TSC22D2: variants seen among roughly 807,000 people sequenced by gnomAD.
TSC22D2 encodes the protein TSC22 domain family member 2.
A neutral mutation model predicts 50.1 loss-of-function variants in TSC22D2; 5 were observed. The observed-to-expected ratio is 0.10, with a 90% CI of 0.05 to 0.21. The LOEUF is 0.21. Among genes scored for constraint, TSC22D2 ranks in the 10% least tolerant of loss-of-function variants. The pLI is 1.00. For synonymous variants in TSC22D2, 501 were observed against 450.1 expected (o/e 1.11, Z -1.43); for missense variants, 1,003 against 1,015.5 (o/e 0.99, Z 0.17).
At position 150,410,232 on chromosome 3, in the gene TSC22D2, G is replaced by A; in HGVS notation, c.882G>A (p.Pro294=). The change falls in exon 1 of 3, where the codon CCG becomes CCA. Residue 294 remains proline, a synonymous_variant. Coordinates refer to ENST00000688009, the MANE Select transcript of TSC22D2 (RefSeq NM_001303264.2). The part of the protein sequence containing the change: ...AVAQSSAPLP[P]FPGAATGPQP... ...CTCAAAGCTCGGCTCCGCTGCCGCCGTTCCCGGGAGCCGCGACCGGGCCGC... is the reference window on the plus strand; with the variant it reads ...CTCAAAGCTCGGCTCCGCTGCCGCCATTCCCGGGAGCCGCGACCGGGCCGC... The A allele has an allele frequency of 6.4e-7, 1 of 1,570,076 alleles. No individual in the cohort carries two copies. Among genetic ancestry groups the A allele is most frequent in the East Asian group, 2.3e-5 (1 of 42,638 alleles).
chr3:150,444,845 G>A (rs1720827813), intron 1 of TSC22D2, among the ~76,000 whole-genome samples: 1 of 152,090 alleles, frequency 6.6e-6, no homozygotes, highest in South Asian at 2.1e-4. Context: ...TTTTATAGTA[G>A]TGCTATTTTT....
At chr3:150,422,264 A>G (rs1720035155) in intron 1 of TSC22D2, among the ~76,000 whole-genome samples, 1 of 152,196 alleles carries the variant, frequency 6.6e-6, no homozygotes, top group Admixed American at 6.5e-5. Context: ...AGGAGGGAAC[A>G]GGTTTGTCAA....
intron 1 of TSC22D2, among the ~76,000 whole-genome samples, chr3:150,416,351 A>G (rs1413654247): frequency 7.0e-6 from 1 of 141,956 alleles, no homozygotes; most frequent in Non-Finnish European, 1.5e-5. Context: ...CATAGCCTGA[A>G]TGATATTCCG....
rs544904342 is a variant in TSC22D2, at chr3:150,454,241, G to A, written c.1959-2835G>A. Among the ~76,000 whole-genome samples, 33 of 152,248 alleles carry A rather than the reference G, an allele frequency of 2.2e-4. 1 individual carries two copies. The South Asian group carries it at 5.0e-3, about 23-fold the overall frequency. On this transcript the variant is annotated intron_variant, in intron 1 of 2. Transcript: ENST00000688009. ...AGATAGCCAGATGAATTGGAACTGT[G>A]AGCATTTCCAGCTGAGGGAGCAGTT...
At chr3:150,436,215 G>T (rs1022775911) in intron 1 of TSC22D2, among the ~76,000 whole-genome samples, 2 of 152,064 alleles carry the variant, frequency 1.3e-5, no homozygotes, top group Non-Finnish European at 2.9e-5. Flanking sequence ...ATATATTTGT[G>T]TAATGTATAC....
In TSC22D2 at chr3:150,411,111, A is replaced by C; in HGVS notation, c.1761A>C (p.Leu587Phe). 2 of 1,614,170 alleles carry C rather than the reference A, an allele frequency of 1.2e-6. No individual in the cohort carries two copies. The highest frequency in any genetic ancestry group is 3.3e-5 in the Admixed American group (2 of 60,028). The change falls in exon 1 of 3, where the codon TTA becomes TTC. Residue 587 changes from leucine to phenylalanine, a missense_variant. By Grantham distance (22) the Leu-to-Phe change is conservative. Coordinates refer to ENST00000688009, the MANE Select transcript of TSC22D2 (RefSeq NM_001303264.2). ...LSQFQTQTQP[L>F]VGQVDDTRRK... ...AGTTTCAAACTCAGACCCAGCCTTTAGTCGGGCAAGTCGACGATACTAGAA... is the reference window on the plus strand; with the variant it reads ...AGTTTCAAACTCAGACCCAGCCTTTCGTCGGGCAAGTCGACGATACTAGAA...
At chr3:150,449,599 A>G (rs1159286387) in intron 1 of TSC22D2, among the ~76,000 whole-genome samples, 3 of 152,154 alleles carry the variant, frequency 2.0e-5, no homozygotes, top group Non-Finnish European at 4.4e-5. Flanking sequence ...GATGCATACT[A>G]TTTAATTGAA....
At chr3:150,433,628 C>T (rs117266676) in intron 1 of TSC22D2, among the ~76,000 whole-genome samples, 3 of 152,254 alleles carry the variant, frequency 2.0e-5, no homozygotes, top group South Asian at 2.1e-4. Flanking sequence ...AAAATTTCTG[C>T]GTTTATTTGC....
rs201309936 is a variant in TSC22D2 at position 150,410,666 on chromosome 3, C to T, written c.1316C>T (p.Pro439Leu). The change falls in exon 1 of 3, where the codon CCC (proline) becomes CTC (leucine). Residue 439 changes from proline (P) to leucine (L), a missense_variant. Coordinates refer to ENST00000688009, the MANE Select transcript of TSC22D2 (RefSeq NM_001303264.2). Reference sequence around the variant, plus strand: ...TCCCAGCCCAGCGAAGCCATGGCCCCCCGGACGGGACCAGCGCAAGGCGGG... The same window carrying T: ...TCCCAGCCCAGCGAAGCCATGGCCCTCCGGACGGGACCAGCGCAAGGCGGG... ...ASSQPSEAMA[P>L]RTGPAQGGQV... 2.4e-5 allele frequency: 38 copies of T among 1,555,792 alleles called. No individual in the cohort carries two copies. The East Asian group carries it at 7.0e-4, about 29-fold the overall frequency.
chr3:150,432,970 A>G (rs1416603856), intron 1 of TSC22D2, among the ~76,000 whole-genome samples: 1 of 152,158 alleles, frequency 6.6e-6, no homozygotes, highest in African/African-American at 2.4e-5. Flanking sequence ...AATATATTAA[A>G]TTTTTGTGAT....
At chr3:150,425,500 G>A (rs1720150219) in intron 1 of TSC22D2, among the ~76,000 whole-genome samples, 1 of 152,144 alleles carries the variant, frequency 6.6e-6, no homozygotes, top group South Asian at 2.1e-4. Context: ...TGGGTGACAA[G>A]AGCGAAACTC....
intron 1 of TSC22D2, among the ~76,000 whole-genome samples, chr3:150,433,123 G>T (rs1399173419): frequency 6.6e-6 from 1 of 152,168 alleles, no homozygotes; most frequent in Non-Finnish European, 1.5e-5. Context: ...TTATCCATTA[G>T]TAAATATCCT....
chr3:150,410,564 C>A lies in TSC22D2; in HGVS notation c.1214C>A (p.Pro405His), dbSNP rs756924205. 1.3e-6 allele frequency: 2 copies of A among 1,552,474 alleles called. No individual in the cohort carries two copies. ...TCGTCCACCGGCGCCGCAGCGAGCC[C>A]CGCCACGGCGGCCACCCTTCCCGTG... ...QPSSTGAAAS[P>H]ATAATLPVGT... Residue 405 changes from proline to histidine, a missense_variant, in exon 1 of 3, where the codon CCC becomes CAC. By Grantham distance (77) the Pro-to-His change is moderately conservative. This residue lies in a region of TSC22D2 where 696 missense variants were observed against 647.8 expected (regional missense o/e 1.07). Transcript: ENST00000688009.
chr3:150,409,830 C>A lies in TSC22D2; in HGVS notation c.480C>A (p.Ser160=). The A allele has an allele frequency of 1.2e-6, 2 of 1,606,362 alleles. No individual in the cohort carries two copies. The highest frequency in any genetic ancestry group is 1.7e-6 in the Non-Finnish European group (2 of 1,179,986). ...APSQPPTTCS[S]RFRVIKLDHG... Reference sequence around the variant, plus strand: ...CTCAGCCTCCCACCACATGTAGTTCCCGTTTTCGCGTGATCAAGCTGGACC... The same window carrying A: ...CTCAGCCTCCCACCACATGTAGTTCACGTTTTCGCGTGATCAAGCTGGACC... Residue 160 remains serine (S), a synonymous_variant, in exon 1 of 3, where the codon TCC becomes TCA. Coordinates refer to ENST00000688009, the MANE Select transcript of TSC22D2 (RefSeq NM_001303264.2). The surrounding 1 kb of genome is among the most constrained non-coding windows in gnomAD (Gnocchi z 7.4).
intron 1 of TSC22D2, among the ~76,000 whole-genome samples, chr3:150,436,257 G>C (rs1576550703): frequency 6.6e-6 from 1 of 151,934 alleles, no homozygotes; most frequent in East Asian, 1.9e-4. Context: ...AAGTTTCGTA[G>C]TAAAATAACT....
At position 150,462,370 on chromosome 3, in the gene TSC22D2, A is replaced by G. The variant is rs1455480940; in HGVS notation, c.*3734A>G. On this transcript the variant is annotated 3_prime_UTR_variant, in exon 3 of 3. Transcript: ENST00000688009. ...ATGATTTATTGAATGGTTTTAAGCA[A>G]TGGGATACTATGCTCAAATTATGCT... 4 of 152,228 alleles carry G rather than the reference A, an allele frequency of 2.6e-5. No homozygotes were observed. Among genetic ancestry groups the G allele is most frequent in the African/African-American group, 7.2e-5 (3 of 41,452 alleles). The allele number at this position is 152,228 out of a possible 1,614,324, so 9.4% of individuals were successfully genotyped here.
intron 1 of TSC22D2, among the ~76,000 whole-genome samples, chr3:150,450,409 A>G (rs905448864): frequency 6.6e-6 from 1 of 152,062 alleles, no homozygotes. Flanking sequence ...CTTTAAAATA[A>G]CTTATTTTGT....
chr3:150,456,673 T>G (rs1442325677), intron 1 of TSC22D2, among the ~76,000 whole-genome samples: 1 of 151,944 alleles, frequency 6.6e-6, no homozygotes, highest in East Asian at 1.9e-4. Context: ...CAATAAGTAA[T>G]TATTGGAATT....
At chr3:150,412,152 C>G (rs913082299) in intron 1 of TSC22D2, among the ~76,000 whole-genome samples, 1 of 151,968 alleles carries the variant, frequency 6.6e-6, no homozygotes, top group African/African-American at 2.4e-5. Context: ...AGTGCCACAA[C>G]AGCTGATGTT....
Sources: allele counts gnomAD v4.1 joint callset (sites outside exome capture counted in the v4.1 genomes callset), GRCh38; gene constraint gnomAD v4.1.1; regional missense constraint gnomAD v4.1.1; non-coding constraint Gnocchi (gnomAD v3.1); transcripts MANE v1.5; gene names NCBI Gene and HGNC (gene_info 2026-07-23, HGNC 2026-07-21).